The following USP20 variants were observed in gnomAD, a reference collection of about 807,000 sequenced individuals.
The protein encoded by USP20 is ubiquitin specific peptidase 20.
USP20 carries 80 observed loss-of-function variants against 124.2 expected under a neutral mutation model. The observed-to-expected ratio is 0.64, with a 90% CI of 0.54 to 0.78. The LOEUF (loss-of-function observed/expected upper bound fraction) is 0.78. Among genes scored for constraint, USP20 ranks in the 30% least tolerant of loss-of-function variants. USP20 has a pLI of 0.00. For missense variants in USP20, 1,043 were observed against 1,244.4 expected (o/e 0.84, Z 2.44); for synonymous variants, 481 against 512.3 (o/e 0.94, Z 0.83).
At chr9:129,851,095 A>G (rs1008294556) in intron 2 of USP20, among the ~76,000 whole-genome samples, 2 of 152,156 alleles carry the variant, frequency 1.3e-5, no homozygotes, top group Non-Finnish European at 2.9e-5. Context: ...AGATTCCTGG[A>G]TTTGATTCTG....
At chr9:129,851,738 CT>C (rs1350546117) in intron 2 of USP20, among the ~76,000 whole-genome samples, 1 of 152,042 alleles carries the variant, frequency 6.6e-6, no homozygotes, top group Non-Finnish European at 1.5e-5. Context: ...ATTTATTTTA[CT>C]TTGTGCTTTC....
At chr9:129,877,460 C>T (rs1479346154) in intron 22 of USP20, among the ~76,000 whole-genome samples, 1 of 152,202 alleles carries the variant, frequency 6.6e-6, no homozygotes, top group Non-Finnish European at 1.5e-5. Flanking sequence ...GAGGTTGAGG[C>T]TGCAGTGAGC....
rs568666218 is a variant in USP20 at position 129,846,078 on chromosome 9, C to T, written c.-128-3735C>T. Among the ~76,000 whole-genome samples, 7 of 151,504 alleles carry T rather than the reference C, an allele frequency of 4.6e-5. No individual in the cohort carries two copies. In the South Asian group the frequency reaches 1.5e-3, roughly 32 times the overall value. On this transcript the variant is annotated intron_variant, in intron 1 of 25. Coordinates refer to ENST00000372429, the MANE Select transcript of USP20 (RefSeq NM_001110303.4). ...TAGCTGGGACTACAGGCGTCCGCCA[C>T]CACACCCAGCCAATTTTTTTGTATT...
At chr9:129,841,695 G>GCTGC (rs2032224667) in intron 1 of USP20, among the ~76,000 whole-genome samples, 1 of 152,206 alleles carries the variant, frequency 6.6e-6, no homozygotes, top group Non-Finnish European at 1.5e-5. Context: ...AGAAGCGCAG[G>GCTGC]CTGCCCCAGG....
chr9:129,879,983 G>A lies in USP20; in HGVS notation c.2585-130G>A, dbSNP rs2034570789. The A allele has an allele frequency of 1.8e-6, 2 of 1,125,398 alleles. No individual in the cohort carries two copies. The highest frequency in any genetic ancestry group is 2.5e-5 in the East Asian group (1 of 40,214). The allele number at this position is 1,125,398 out of a possible 1,614,324, so 69.7% of individuals were successfully genotyped here. A position where few individuals can be genotyped will look rare whatever the true frequency, so the allele number is the denominator to read the frequency against. On this transcript the variant is annotated intron_variant, in intron 24 of 25. Transcript: ENST00000372429. The surrounding 1 kb of genome is among the most constrained non-coding windows in gnomAD (Gnocchi z 4.2). ...GGGAAATCCTGATTTCCATCTGACA[G>A]CTTTGCATAGAAGCCCTGGTTGCCG...
chr9:129,858,185 C>T (rs10760638), intron 5 of USP20, 73 bp downstream of exon 5: 1,352,509 of 1,490,750 alleles, frequency 0.91, 614,742 homozygotes, highest in East Asian at 1. Context: ...TCCACCTTCC[C>T]ACTCTGGGCC....
intron 15 of USP20, among the ~76,000 whole-genome samples, chr9:129,873,183 G>C (rs1055623520): frequency 1.4e-5 from 2 of 146,858 alleles, no homozygotes; most frequent in East Asian, 4.1e-4. Flanking sequence ...CCCCAGGTTC[G>C]AGCGATTCTC....
At position 129,838,312 on chromosome 9, in the gene USP20, G is replaced by T. The variant is rs566272022; in HGVS notation, c.-129+2813G>T. Among the ~76,000 whole-genome samples the T allele has an allele frequency of 1.9e-3, 291 of 152,300 alleles. 2 individuals carry two copies. The highest frequency in any genetic ancestry group is 3.1e-3 in the Non-Finnish European group (214 of 68,020). On this transcript the variant is annotated intron_variant, in intron 1 of 25. Coordinates refer to ENST00000372429, the MANE Select transcript of USP20 (RefSeq NM_001110303.4). ...CCGCCTCAGCCTCCCAAAGTGCTGG[G>T]ATTACAGGTGTGAGCCACTGTGCCC...
chr9:129,873,080 C>CTTTTTT (rs59712662), intron 15 of USP20, among the ~76,000 whole-genome samples: 2,668 of 78,208 alleles, frequency 0.034, 173 homozygotes, highest in East Asian at 0.048. Flanking sequence ...TTTTCTTCTT[C>CTTTTTT]TTTTTTTTTT....
intron 1 of USP20, among the ~76,000 whole-genome samples, chr9:129,845,825 A>G (rs977005833): frequency 1.2e-4 from 18 of 152,252 alleles, no homozygotes; most frequent in African/African-American, 4.3e-4. Flanking sequence ...ACTTGACTCT[A>G]TCCTCCAGAA....
At chr9:129,845,063 T>C (rs187069810) in intron 1 of USP20, among the ~76,000 whole-genome samples, 1 of 152,202 alleles carries the variant, frequency 6.6e-6, no homozygotes, top group Admixed American at 6.5e-5. Flanking sequence ...GGTCTCTAAA[T>C]AAATAAATAG....
intron 1 of USP20, among the ~76,000 whole-genome samples, chr9:129,836,358 T>C (rs2031836393): frequency 6.6e-6 from 1 of 152,050 alleles, no homozygotes; most frequent in Admixed American, 6.6e-5. Context: ...TCCTTTGAGG[T>C]AGATTGTTTT....
chr9:129,874,550 G>T lies in USP20; in HGVS notation c.1741-26G>T. On this transcript the variant is annotated intron_variant, in intron 17 of 25. Coordinates refer to ENST00000372429, the MANE Select transcript of USP20 (RefSeq NM_001110303.4). ...GGGCCCGCATCATTTCTTCCTAGAT[G>T]ACCGGCGCTCTCTCTGTCCCCGCAG... 3 of 1,609,928 alleles carry T rather than the reference G, an allele frequency of 1.9e-6. No homozygotes were observed. In the South Asian group the frequency reaches 3.3e-5, roughly 18 times the overall value.
intron 7 of USP20, 40 bp from the exon 8 acceptor site, chr9:129,861,503 G>C: frequency 6.2e-7 from 1 of 1,600,064 alleles, no homozygotes; most frequent in Non-Finnish European, 8.6e-7. Context: ...CGGTGGGGCA[G>C]GGTGCTCACC....
intron 1 of USP20, among the ~76,000 whole-genome samples, chr9:129,848,947 C>T (rs1240388190): frequency 2.0e-5 from 3 of 152,236 alleles, no homozygotes; most frequent in African/African-American, 7.2e-5. Flanking sequence ...CTGTCCACAT[C>T]TGGGAAACTG....
At position 129,880,211 on chromosome 9, in the gene USP20, C is replaced by G. The variant is rs1372592805; in HGVS notation, c.2683C>G (p.Pro895Ala). The G allele has an allele frequency of 6.2e-7, 1 of 1,613,552 alleles. No individual in the cohort carries two copies. Among genetic ancestry groups the G allele is most frequent in the Non-Finnish European group, 8.5e-7 (1 of 1,179,922 alleles). ...TGCCATCCGCCAGAGTGTGGCGCAG[C>G]CGCTGGGCCCAGAGAACCTGCACGG... ...EIAIRQSVAQ[P>A]LGPENLHGEQ... Residue 895 changes from proline (P) to alanine (A), a missense_variant, in exon 25 of 26, where the codon CCG (proline) becomes GCG (alanine). Physicochemically the swap from Pro to Ala is conservative, Grantham distance 27. Transcript: ENST00000372429.
Position 129,879,046 on chromosome 9 carries a change from C to G in USP20, c.2513-527C>G, listed in dbSNP as rs2034528638. Among the ~76,000 whole-genome samples, 3 of 152,226 alleles carry G rather than the reference C, an allele frequency of 2.0e-5. No homozygotes were observed. Among genetic ancestry groups the G allele is most frequent in the African/African-American group, 4.8e-5 (2 of 41,470 alleles). On this transcript the variant is annotated intron_variant, in intron 23 of 25. Transcript: ENST00000372429. The surrounding 1 kb of genome is among the most constrained non-coding windows in gnomAD (Gnocchi z 4.2). ...GAAGGGAGGCCTCATTGCCATCCCG[C>G]TAGTCGGGGAAGGTGCCAGGGCCAC...
chr9:129,844,563 G>T (rs1365762077), intron 1 of USP20, among the ~76,000 whole-genome samples: 2 of 144,432 alleles, frequency 1.4e-5, no homozygotes, highest in Admixed American at 7.3e-5. Flanking sequence ...AGTGGAGAGT[G>T]TGTTCAGTCG....
chr9:129,867,842 C>G (rs759685729), intron 10 of USP20, among the ~76,000 whole-genome samples, 163 bp from the exon 11 acceptor site: 4 of 152,190 alleles, frequency 2.6e-5, no homozygotes, highest in African/African-American at 4.8e-5. Flanking sequence ...GGGGTTAGGA[C>G]AGACTGCCAT....
Sources: gnomAD v4.1 joint callset for allele counts (sites outside exome capture counted in the v4.1 genomes callset) on GRCh38, gnomAD v4.1.1 for gene constraint, Gnocchi (gnomAD v3.1) non-coding constraint, MANE v1.5 for transcripts, NCBI Gene and HGNC (gene_info 2026-07-23, HGNC 2026-07-21) for gene names.